LGALS8: variants seen among roughly 807,000 people sequenced by gnomAD.
LGALS8 encodes the protein galectin-8.
A neutral mutation model predicts 35.9 loss-of-function variants in LGALS8; 30 were observed. That is an observed-to-expected ratio of 0.83 (90% CI 0.62 to 1.13). The LOEUF (loss-of-function observed/expected upper bound fraction) is 1.13, where lower values mean the gene tolerates loss of function less well. LGALS8 is among the 50% of genes most tolerant of loss of function. LGALS8 has a pLI of 0.00. For synonymous variants in LGALS8, 138 were observed against 136.1 expected, an observed-to-expected ratio of 1.01 and a Z score of -0.10; for missense variants, 366 against 388.7, an observed-to-expected ratio of 0.94 and a Z score of 0.49.
At position 236,538,101 on chromosome 1, in the gene LGALS8, A is replaced by AAAAAAAAAAAAAAAAAAAAAAAAAAAAAG. The variant is rs371245157; in HGVS notation, c.134+519_134+520insAAAAAAAAAAAAAAAAAAAAAAAAAGAAA. Among the ~76,000 whole-genome samples, 34 of 96,074 alleles carry AAAAAAAAAAAAAAAAAAAAAAAAAAAAAG rather than the reference A, an allele frequency of 3.5e-4. 6 individuals are homozygous for AAAAAAAAAAAAAAAAAAAAAAAAAAAAAG. Among genetic ancestry groups the AAAAAAAAAAAAAAAAAAAAAAAAAAAAAG allele is most frequent in the East Asian group, 5.9e-4 (2 of 3,408 alleles). The allele number at this position is 96,074 out of a possible 152,430, so 63.0% of individuals were successfully genotyped here. ...GCCTGGGTGACAAAAAAAAAAAAGA[A>AAAAAAAAAAAAAAAAAAAAAAAAAAAAAG]AAAGAAAAAGAATTAGGTATGTCAT... On this transcript the variant is annotated intron_variant, in intron 3 of 9. Coordinates refer to ENST00000366584, the MANE Select transcript of LGALS8 (RefSeq NM_201544.4).
rs770651931 is a variant in LGALS8, at chr1:236,544,903, G to A, written c.792G>A (p.Gly264=). The change falls in exon 9 of 10, where the codon GGG becomes GGA. Residue 264 remains glycine, a synonymous_variant. Transcript: ENST00000366584. ...RNITSFPFSP[G]MYFEMIIYCD... is the part of the protein sequence containing the mutation. ...TTACCTCTTTCCCATTTAGTCCTGG[G>A]ATGTACTTTGAGGTGAGGTTACAGT... is the stretch of plus-strand genomic sequence containing the variant. The A allele has an allele frequency of 6.2e-7, 1 of 1,608,716 alleles. No homozygotes were observed. Among genetic ancestry groups the A allele is most frequent in the Admixed American group, 1.7e-5 (1 of 59,274 alleles).
chr1:236,525,358 G>A (rs1535503), intron 1 of LGALS8: 76,074 of 151,572 alleles, frequency 0.5, 22,005 homozygotes, highest in Non-Finnish European at 0.65. Flanking sequence ...AATACCTCTG[G>A]TAATTGTACG....
chr1:236,524,117 G>A, intron 1 of LGALS8, 56 bp downstream of exon 1: 1 of 456,542 alleles, frequency 2.2e-6, no homozygotes, highest in Non-Finnish European at 4.4e-6. Context: ...AGGCGTGGCT[G>A]CTCTGAGGGT....
chr1:236,531,426 C>A (rs575488678), intron 2 of LGALS8, among the ~76,000 whole-genome samples: 61 of 152,296 alleles, frequency 4.0e-4, no homozygotes, highest in Non-Finnish European at 5.9e-4. Flanking sequence ...CGGGTTCACA[C>A]CATTCTCCTG....
intron 8 of LGALS8, among the ~76,000 whole-genome samples, chr1:236,544,498 A>G (rs866494462): frequency 8.6e-5 from 13 of 151,590 alleles, no homozygotes; most frequent in African/African-American, 3.2e-4. Flanking sequence ...TTTCTGTCCA[A>G]CCACATCTCA....
At chr1:236,532,052 A>C (rs1386481664) in intron 2 of LGALS8, among the ~76,000 whole-genome samples, 1 of 152,186 alleles carries the variant, frequency 6.6e-6, no homozygotes, top group East Asian at 1.9e-4. Flanking sequence ...CTCAGTGCCT[A>C]GGGTTTTTAC....
At chr1:236,518,947 C>T (rs1368066684), upstream of LGALS8, among the ~76,000 whole-genome samples, 1 of 152,110 alleles carries the variant, frequency 6.6e-6, no homozygotes, top group Non-Finnish European at 1.5e-5. Context: ...ATACGGTTCA[C>T]ATCGATAGAA....
upstream of LGALS8, among the ~76,000 whole-genome samples, chr1:236,522,761 T>G (rs1035134719): frequency 1.3e-5 from 2 of 152,156 alleles, no homozygotes; most frequent in African/African-American, 4.8e-5. Flanking sequence ...CAGCTATAAA[T>G]CCAAGGCAGT....
chr1:236,518,725 G>A (rs148055138), upstream of LGALS8, among the ~76,000 whole-genome samples: 545 of 152,162 alleles, frequency 3.6e-3, 2 homozygotes, highest in Middle Eastern at 0.024. Context: ...AGCATACCAA[G>A]GCAGTTCTTT....
At chr1:236,533,966 G>T (rs376068910) in intron 2 of LGALS8, among the ~76,000 whole-genome samples, 69 of 52,046 alleles carry the variant, frequency 1.3e-3, no homozygotes, top group African/African-American at 2.8e-3. Flanking sequence ...CGATATAGCT[G>T]CCCCTGACCC....
At chr1:236,522,486 G>A (rs12078074), upstream of LGALS8, among the ~76,000 whole-genome samples, 5,715 of 152,184 alleles carry the variant, frequency 0.038, 343 homozygotes, top group African/African-American at 0.13. Context: ...TGCGTCTATA[G>A]TCCCAGCTAC....
intron 8 of LGALS8, 88 bp from the exon 9 acceptor site, chr1:236,544,662 C>G: frequency 3.1e-6 from 3 of 980,646 alleles, no homozygotes; most frequent in Non-Finnish European, 4.4e-6. Flanking sequence ...AATCATAGTT[C>G]AAGTCTGGTC....
chr1:236,545,921 G>A (rs1299017483), intron 9 of LGALS8, among the ~76,000 whole-genome samples: 1 of 152,130 alleles, frequency 6.6e-6, no homozygotes. Context: ...CAAGAGTCAA[G>A]GCGCAAAGGG....
chr1:236,528,381 CAAA>C lies in LGALS8; in HGVS notation c.45+2277_45+2279del, dbSNP rs71178325. On this transcript the variant is annotated intron_variant, in intron 2 of 9. Coordinates refer to ENST00000366584, the MANE Select transcript of LGALS8 (RefSeq NM_201544.4). ...TGGGTGACAGAGCGAGACTCCATCTCAAAAAAAAAAAAACCCCCCCACACACAA... is the reference window on the plus strand; with the variant it reads ...TGGGTGACAGAGCGAGACTCCATCTCAAAAAAAAAACCCCCCCACACACAA... Among the ~76,000 whole-genome samples, 238 of 80,066 alleles carry C rather than the reference CAAA, an allele frequency of 3.0e-3. 3 individuals are homozygous for C. The highest frequency in any genetic ancestry group is 0.017 in the East Asian group (50 of 2,910). 52.5% of individuals were successfully genotyped at this position (80,066 alleles called of 152,430 possible).
At position 236,537,614 on chromosome 1, in the gene LGALS8, A is replaced by G. The variant is rs528233169; in HGVS notation, c.134+29A>G. 16 of 1,433,026 alleles carry G rather than the reference A, an allele frequency of 1.1e-5. 1 individual carries two copies. In the African/African-American group the frequency reaches 1.2e-4, roughly 11 times the overall value. 88.8% of individuals were successfully genotyped at this position (1,433,026 alleles called of 1,614,324 possible). A position where few individuals can be genotyped will look rare whatever the true frequency, so the allele number is the denominator to read the frequency against. On this transcript the variant is annotated intron_variant, in intron 3 of 9. Transcript: ENST00000366584. ...AAATCACTGTGCTAAAGGAAGGAGCATGAATAGGCTGTCTTTTTGTGATTG... is the reference window on the plus strand; with the variant it reads ...AAATCACTGTGCTAAAGGAAGGAGCGTGAATAGGCTGTCTTTTTGTGATTG...
chr1:236,527,246 A>C (rs1439497229), intron 2 of LGALS8, among the ~76,000 whole-genome samples: 1 of 152,204 alleles, frequency 6.6e-6, no homozygotes, highest in Non-Finnish European at 1.5e-5. Context: ...AAAAGAAGAT[A>C]ATTTTATAGG....
intron 5 of LGALS8, 178 bp from the exon 6 acceptor site, chr1:236,541,476 G>C (rs906985377): frequency 2.0e-5 from 10 of 492,208 alleles, no homozygotes; most frequent in Non-Finnish European, 3.6e-5. Context: ...CTTATTCTCT[G>C]TAATGTTTGC....
rs551507261 is a variant in LGALS8 at position 236,524,003 on chromosome 1, G to C, written c.-162G>C. Reference sequence around the variant, plus strand: ...GGACGCCAGAGCCGGGAACCCTGACGGCACTTAGCTGCTGACAAACAACCT... The same window carrying C: ...GGACGCCAGAGCCGGGAACCCTGACCGCACTTAGCTGCTGACAAACAACCT... On this transcript the variant is annotated 5_prime_UTR_variant, in exon 1 of 10. Coordinates refer to ENST00000366584, the MANE Select transcript of LGALS8 (RefSeq NM_201544.4). 4.0e-5 allele frequency: 16 copies of C among 403,654 alleles called. No individual in the cohort carries two copies. Among genetic ancestry groups the C allele is most frequent in the Non-Finnish European group, 8.0e-5 (16 of 199,196 alleles). The allele number at this position is 403,654 out of a possible 1,614,324, so 25.0% of individuals were successfully genotyped here.
At position 236,529,541 on chromosome 1, in the gene LGALS8, A is replaced by C. The variant is rs181209886; in HGVS notation, c.45+3426A>C. Among the ~76,000 whole-genome samples, 35 of 151,072 alleles carry C rather than the reference A, an allele frequency of 2.3e-4. 1 individual carries two copies. The East Asian group carries it at 6.9e-3, about 30-fold the overall frequency. The stretch of plus-strand genomic sequence containing the variant: ...AGGTTGTAATGAGCCAAGATTGCAC[A>C]ACTGCACTGCATCCTGGGCGACAGA... On this transcript the variant is annotated intron_variant, in intron 2 of 9. Coordinates refer to ENST00000366584, the MANE Select transcript of LGALS8 (RefSeq NM_201544.4).
Sources: gnomAD v4.1 joint callset for allele counts (sites outside exome capture counted in the v4.1 genomes callset) on GRCh38, gnomAD v4.1.1 for gene constraint, MANE v1.5 for transcripts, NCBI Gene and HGNC (gene_info 2026-07-23, HGNC 2026-07-21) for gene names.